Variants in UNC5D observed in about 807,000 individuals in gnomAD.
The protein encoded by UNC5D is netrin receptor UNC5D.
A neutral mutation model predicts 105.4 loss-of-function variants in UNC5D; 39 were observed. That is an observed-to-expected ratio of 0.37 (90% CI 0.29 to 0.48). The LOEUF is 0.48. Ranked by LOEUF, UNC5D falls within the 20% of genes least tolerant of loss-of-function variation. The pLI, the probability that UNC5D is intolerant of heterozygous loss-of-function variation, is 0.98. For synonymous variants in UNC5D, 452 were observed against 450.4 expected (o/e 1.00, Z -0.04); for missense variants, 991 against 1,202.4 (o/e 0.82, Z 2.60).
intron 16 of UNC5D, among the ~76,000 whole-genome samples, chr8:35,781,417 G>T (rs552360407): frequency 1.3e-5 from 2 of 152,184 alleles, no homozygotes; most frequent in Non-Finnish European, 2.9e-5. Flanking sequence ...AAGGGGTGTC[G>T]CATTTCTTCT....
At chr8:35,412,473 A>G (rs1805239810) in intron 1 of UNC5D, among the ~76,000 whole-genome samples, 1 of 151,968 alleles carries the variant, frequency 6.6e-6, no homozygotes, top group African/African-American at 2.4e-5. Context: ...ATGACAAAAA[A>G]AAAAAAGCAC....
intron 4 of UNC5D, among the ~76,000 whole-genome samples, chr8:35,606,739 A>C (rs2130956635): frequency 6.6e-6 from 1 of 152,380 alleles, no homozygotes; most frequent in East Asian, 1.9e-4. Context: ...CAGTCTGGTA[A>C]GATAGCAGCC....
intron 1 of UNC5D, among the ~76,000 whole-genome samples, chr8:35,428,459 T>A: frequency 6.6e-6 from 1 of 151,032 alleles, no homozygotes; most frequent in East Asian, 2.0e-4. Context: ...GTGCTGGGAT[T>A]ATAGGTGTGA....
At chr8:35,288,180 A>G (rs988589711) in intron 1 of UNC5D, among the ~76,000 whole-genome samples, 1 of 152,150 alleles carries the variant, frequency 6.6e-6, no homozygotes, top group Non-Finnish European at 1.5e-5. Context: ...AAAAATTAAG[A>G]TAAAGAATAC....
At chr8:35,236,626 G>T (rs1802490879) in intron 1 of UNC5D, among the ~76,000 whole-genome samples, 1 of 152,168 alleles carries the variant, frequency 6.6e-6, no homozygotes, top group Non-Finnish European at 1.5e-5. Flanking sequence ...CGACTTAGAA[G>T]CCTAGACCCC....
intron 1 of UNC5D, among the ~76,000 whole-genome samples, chr8:35,464,270 T>A (rs1215783996): frequency 6.6e-6 from 1 of 152,090 alleles, no homozygotes; most frequent in Non-Finnish European, 1.5e-5. Context: ...GAGGTTGCTG[T>A]GAGCCAAGAT....
chr8:35,238,320 A>G (rs578168257), intron 1 of UNC5D, among the ~76,000 whole-genome samples: 1 of 152,242 alleles, frequency 6.6e-6, no homozygotes, highest in Non-Finnish European at 1.5e-5. Flanking sequence ...TTTTGAATAT[A>G]CTCTAGGAGG....
intron 1 of UNC5D, among the ~76,000 whole-genome samples, chr8:35,450,593 AT>A (rs1808083348): frequency 6.6e-6 from 1 of 152,158 alleles, no homozygotes; most frequent in African/African-American, 2.4e-5. Flanking sequence ...TTATGTATTG[AT>A]TATAAAATAT....
chr8:35,421,897 G>C (rs1253521273), intron 1 of UNC5D, among the ~76,000 whole-genome samples: 1 of 152,094 alleles, frequency 6.6e-6, no homozygotes, highest in Non-Finnish European at 1.5e-5. Context: ...TCTACAGTGG[G>C]CTTTTCTGAA....
At chr8:35,267,838 T>C (rs994032815) in intron 1 of UNC5D, among the ~76,000 whole-genome samples, 9 of 152,190 alleles carry the variant, frequency 5.9e-5, no homozygotes, top group Non-Finnish European at 8.8e-5. Context: ...TATTTTTTTT[T>C]CAGAAAGGAA....
intron 4 of UNC5D, among the ~76,000 whole-genome samples, chr8:35,664,012 A>C (rs1343232499): frequency 2.0e-5 from 3 of 152,196 alleles, no homozygotes; most frequent in Non-Finnish European, 4.4e-5. Flanking sequence ...TTACAGTCCT[A>C]TCTTGCATCC....
Position 35,568,134 on chromosome 8 carries a change from G to A in UNC5D, c.359G>A (p.Arg120Lys). 6.2e-7 allele frequency: 1 copy of A among 1,614,156 alleles called. No homozygotes were observed. Among genetic ancestry groups the A allele is most frequent in the Non-Finnish European group, 8.5e-7 (1 of 1,180,030 alleles). ...KVREVFINVT[R>K]QQVEDFHGPE... ...CGCGAAGTGTTCATCAATGTTACTA[G>A]GCAACAGGTGGAGGACTTCCATGGG... Residue 120 changes from arginine to lysine, a missense_variant, in exon 3 of 17, where the codon AGG becomes AAG. Physicochemically the swap from Arg to Lys is conservative, Grantham distance 26. Around this residue, in one of 3 missense-constraint regions of UNC5D, gnomAD observed 944 missense variants for 1,131.6 expected, o/e 0.83. Coordinates refer to ENST00000404895, the MANE Select transcript of UNC5D (RefSeq NM_080872.4).
chr8:35,507,347 G>GC (rs36115188), intron 1 of UNC5D, among the ~76,000 whole-genome samples: 16 of 152,070 alleles, frequency 1.1e-4, no homozygotes, highest in African/African-American at 3.1e-4. Flanking sequence ...GAGCCACCGC[G>GC]CCGGCCCAGG....
intron 1 of UNC5D, among the ~76,000 whole-genome samples, chr8:35,241,078 G>A (rs1272706775): frequency 6.6e-6 from 1 of 152,180 alleles, no homozygotes; most frequent in Non-Finnish European, 1.5e-5. Flanking sequence ...TGTGGAGCAT[G>A]AGATTTGAGA....
rs1031914669 is a variant in UNC5D at position 35,404,309 on chromosome 8, C to G, written c.104-144983C>G. ...AGAAAGCCATTGAAGGGTTGAGTCA[C>G]ATATGTGAGATACAATGTACCATCC... On this transcript the variant is annotated intron_variant, in intron 1 of 16. Coordinates refer to ENST00000404895, the MANE Select transcript of UNC5D (RefSeq NM_080872.4). Among the ~76,000 whole-genome samples, 12 of 152,098 alleles carry G rather than the reference C, an allele frequency of 7.9e-5. No homozygotes were observed. In the East Asian group the frequency reaches 2.1e-3, roughly 27 times the overall value.
At chr8:35,360,727 A>G (rs1801809394) in intron 1 of UNC5D, among the ~76,000 whole-genome samples, 1 of 152,170 alleles carries the variant, frequency 6.6e-6, no homozygotes, top group African/African-American at 2.4e-5. Flanking sequence ...CTGGGAAACT[A>G]TATGGGCATG....
intron 4 of UNC5D, among the ~76,000 whole-genome samples, chr8:35,621,140 T>A (rs1366315265): frequency 6.6e-6 from 1 of 152,216 alleles, no homozygotes; most frequent in Non-Finnish European, 1.5e-5. Context: ...CTGAGAATCC[T>A]TGAGACTCTG....
intron 1 of UNC5D, among the ~76,000 whole-genome samples, chr8:35,300,992 T>C (rs762677711): frequency 5.9e-5 from 9 of 152,216 alleles, no homozygotes; most frequent in Admixed American, 1.3e-4. Flanking sequence ...TATACATCCA[T>C]GTATTTCCTA....
intron 1 of UNC5D, among the ~76,000 whole-genome samples, chr8:35,240,480 G>A (rs1348731859): frequency 6.6e-6 from 1 of 152,140 alleles, no homozygotes; most frequent in African/African-American, 2.4e-5. Flanking sequence ...TCATGTGTGA[G>A]AGTCATAATT....
Sources: gnomAD v4.1 joint callset for allele counts (sites outside exome capture counted in the v4.1 genomes callset) on GRCh38, gnomAD v4.1.1 for gene constraint, gnomAD v4.1.1 regional missense constraint, MANE v1.5 for transcripts, NCBI Gene and HGNC (gene_info 2026-07-23, HGNC 2026-07-21) for gene names.